The following IFT80 variants were observed in gnomAD, a reference collection of about 807,000 sequenced individuals.
The protein encoded by IFT80 is intraflagellar transport 80, also known as intraflagellar transport protein 80 homolog.
Under a neutral mutation model 107.9 loss-of-function variants are expected in IFT80, and 79 were observed. The ratio of observed to expected loss-of-function variants is 0.73; its 90% confidence interval spans 0.61 to 0.88. The LOEUF (loss-of-function observed/expected upper bound fraction) is 0.88. Ranked by LOEUF, IFT80 falls within the 40% of genes least tolerant of loss-of-function variation. IFT80 has a pLI of 0.00. For synonymous variants in IFT80, 299 were observed against 300.9 expected, an observed-to-expected ratio of 0.99 and a Z score of 0.07; for missense variants, 797 against 914.2, an observed-to-expected ratio of 0.87 and a Z score of 1.65.
At position 160,356,063 on chromosome 3, in the gene IFT80, A is replaced by G. The variant is rs2108360164; in HGVS notation, c.727T>C (p.Leu243=). 6.2e-7 allele frequency: 1 copy of G among 1,614,130 alleles called. No homozygotes were observed. The highest frequency in any genetic ancestry group is 8.5e-7 in the Non-Finnish European group (1 of 1,179,982). The change falls in exon 8 of 20, where the codon TTA becomes CTA. Residue 243 remains leucine (L), a synonymous_variant. Coordinates refer to ENST00000326448, the MANE Select transcript of IFT80 (RefSeq NM_020800.3). ...TSVAWAPDGE[L]FAVGSFHTLR... ...GTATGAAACGATCCAACAGCAAATA[A>G]TTCTCCATCTGGAGCCCAGGCAACT...
rs78263553 is a variant in IFT80, at chr3:160,261,465, T to A, written c.2224-2830A>T. ...AACAAAACAAAAAATATATCTAGTA[T>A]GCCAGAAGCGGTAAAGATTTTGAAA... On this transcript the variant is annotated intron_variant, in intron 19 of 19. Transcript: ENST00000326448. Among the ~76,000 whole-genome samples, 682 of 146,676 alleles carry A rather than the reference T, an allele frequency of 4.6e-3. 8 individuals carry two copies. Among genetic ancestry groups the A allele is most frequent in the African/African-American group, 0.017 (658 of 39,342 alleles).
intron 6 of IFT80, among the ~76,000 whole-genome samples, chr3:160,365,520 T>C (rs1211390771): frequency 2.0e-5 from 3 of 152,098 alleles, no homozygotes; most frequent in East Asian, 3.8e-4. Context: ...AAGGTAGAGA[T>C]GGCACAGCAA....
chr3:160,297,434 T>C (rs996797190), intron 12 of IFT80, among the ~76,000 whole-genome samples: 6 of 152,032 alleles, frequency 3.9e-5, no homozygotes, highest in East Asian at 3.9e-4. Flanking sequence ...GCAAAAAAAA[T>C]TGGACAACAT....
At position 160,304,002 on chromosome 3, in the gene IFT80, T is replaced by G; in HGVS notation, c.1077-13A>C. On this transcript the variant is annotated splice_polypyrimidine_tract_variant and intron_variant, in intron 10 of 19. Coordinates refer to ENST00000326448, the MANE Select transcript of IFT80 (RefSeq NM_020800.3). ...CCAGTTCTTCGTGCTAAAAGACAAG[T>G]AAAATGGATATTTATTAACATTTAA... 6.6e-7 allele frequency: 1 copy of G among 1,520,868 alleles called. No homozygotes were observed. The highest frequency in any genetic ancestry group is 2.3e-5 in the East Asian group (1 of 44,308). 94.2% of individuals were successfully genotyped at this position (1,520,868 alleles called of 1,614,324 possible).
At chr3:160,313,035 AAT>A (rs1222702512) in intron 9 of IFT80, among the ~76,000 whole-genome samples, 29 of 89,806 alleles carry the variant, frequency 3.2e-4, no homozygotes, top group African/African-American at 1.3e-3. Flanking sequence ...ATTATATATA[AAT>A]ATATAATATA....
At chr3:160,312,595 A>AT (rs1717360467) in intron 9 of IFT80, among the ~76,000 whole-genome samples, 1 of 92,088 alleles carries the variant, frequency 1.1e-5, no homozygotes, top group Non-Finnish European at 2.1e-5. Context: ...TATATATAAT[A>AT]AATATATATT....
At chr3:160,397,756 T>C (rs1046772386) in intron 1 of IFT80, among the ~76,000 whole-genome samples, 1 of 144,864 alleles carries the variant, frequency 6.9e-6, no homozygotes, top group African/African-American at 2.6e-5. Flanking sequence ...AGTTTCGCTC[T>C]TGTTGCCCAG....
At chr3:160,331,209 AT>A (rs1178405131) in intron 8 of IFT80, among the ~76,000 whole-genome samples, 6 of 152,272 alleles carry the variant, frequency 3.9e-5, no homozygotes, top group African/African-American at 1.4e-4. Context: ...AAGCCCTGAA[AT>A]ACTGTGACAG....
chr3:160,366,635 G>A (rs1559963762), intron 5 of IFT80, among the ~76,000 whole-genome samples: 1 of 151,950 alleles, frequency 6.6e-6, no homozygotes, highest in Non-Finnish European at 1.5e-5. Context: ...GGGCTTGGCT[G>A]CACATTGTAA....
At chr3:160,357,350 T>C (rs1185414350) in intron 7 of IFT80, 139 bp downstream of exon 7, 1 of 583,750 alleles carries the variant, frequency 1.7e-6, no homozygotes, top group Non-Finnish European at 3.1e-6. Flanking sequence ...AAAATACCAC[T>C]TAACATTATA....
rs200917123 is a variant in IFT80, at chr3:160,398,128, AAAC to A, written c.-47+1015_-47+1017del. Among the ~76,000 whole-genome samples, 1,333 of 152,280 alleles carry A rather than the reference AAAC, an allele frequency of 8.8e-3. 11 individuals carry two copies. The highest frequency in any genetic ancestry group is 0.013 in the Non-Finnish European group (914 of 68,018). On this transcript the variant is annotated intron_variant, in intron 1 of 19. Transcript: ENST00000326448. ...TTATTTTCTGTAGCTTGTTTTATGA[AAAC>A]AACAATTCGTTTTTAACTTCAAACA...
At chr3:160,358,043 C>T (rs904476395) in intron 6 of IFT80, among the ~76,000 whole-genome samples, 1 of 152,072 alleles carries the variant, frequency 6.6e-6, no homozygotes. Context: ...CAGGGTCTCA[C>T]TGTCACGCAG....
At chr3:160,299,262 T>C in intron 12 of IFT80, 1 of 1,169,174 alleles carries the variant, frequency 8.6e-7, no homozygotes, top group Non-Finnish European at 1.1e-6. Context: ...AAAAGTCTTC[T>C]CTCAGAGAAG....
chr3:160,345,771 T>A (rs1044838363), intron 8 of IFT80, among the ~76,000 whole-genome samples: 3 of 131,010 alleles, frequency 2.3e-5, no homozygotes, highest in Admixed American at 1.6e-4. Flanking sequence ...GGAGAGGAGG[T>A]GGGAATAGTT....
chr3:160,304,088 T>C (rs1576779038), intron 10 of IFT80, 99 bp from the exon 11 acceptor site: 3 of 801,748 alleles, frequency 3.7e-6, no homozygotes. Context: ...TACTTCAGTT[T>C]CATAGCAATT....
At chr3:160,330,327 T>C (rs1718998447) in intron 8 of IFT80, among the ~76,000 whole-genome samples, 1 of 152,198 alleles carries the variant, frequency 6.6e-6, no homozygotes, top group Admixed American at 6.6e-5. Flanking sequence ...AAATTTGTAA[T>C]TTGGTTTATC....
At chr3:160,394,715 G>A (rs1011709537) in intron 1 of IFT80, among the ~76,000 whole-genome samples, 3 of 151,510 alleles carry the variant, frequency 2.0e-5, no homozygotes, top group Non-Finnish European at 4.4e-5. Flanking sequence ...GTGCCACTAC[G>A]CTCCAGCCTG....
In IFT80 at chr3:160,280,731, A is replaced by G; in HGVS notation, c.1600T>C (p.Tyr534His). The G allele has an allele frequency of 2.5e-6, 4 of 1,612,506 alleles. No homozygotes were observed. The highest frequency in any genetic ancestry group is 3.4e-6 in the Non-Finnish European group (4 of 1,178,684). ...LQDTRFIVWY[Y>H]PNTVYVDRDI... ...CTGTCCACATAAACTGTATTGGGGT[A>G]ATACCACACTATAAATCGAGTATCT... The change falls in exon 15 of 20, where the codon TAC becomes CAC. Residue 534 changes from tyrosine to histidine, a missense_variant. Tyr to His is a moderately conservative substitution (Grantham distance 83). Coordinates refer to ENST00000326448, the MANE Select transcript of IFT80 (RefSeq NM_020800.3).
chr3:160,321,818 T>C (rs552233641), intron 8 of IFT80, among the ~76,000 whole-genome samples: 1 of 151,802 alleles, frequency 6.6e-6, no homozygotes, highest in South Asian at 2.1e-4. Context: ...TTTTATTTTT[T>C]ATTTTTATTT....
Sources: allele counts gnomAD v4.1 joint callset (sites outside exome capture counted in the v4.1 genomes callset), GRCh38; gene constraint gnomAD v4.1.1; transcripts MANE v1.5; gene names NCBI Gene and HGNC (gene_info 2026-07-23, HGNC 2026-07-21).